The following FHOD3 variants were observed in gnomAD, a reference collection of about 807,000 sequenced individuals.
FHOD3 encodes the protein formin homology 2 domain containing 3, also known as FH1/FH2 domain-containing protein 3.
FHOD3 carries 90 observed loss-of-function variants against 173.0 expected under a neutral mutation model. That is an observed-to-expected ratio of 0.52 (90% CI 0.44 to 0.62). The LOEUF (loss-of-function observed/expected upper bound fraction) is 0.62, where lower values mean the gene tolerates loss of function less well. FHOD3 is among the 20% of genes least tolerant of loss of function. The pLI, the probability that FHOD3 is intolerant of heterozygous loss-of-function variation, is 0.00. For synonymous variants in FHOD3, 828 were observed against 823.0 expected, an observed-to-expected ratio of 1.01 and a Z score of -0.10; for missense variants, 1,945 against 2,034.7, an observed-to-expected ratio of 0.96 and a Z score of 0.85.
intron 1 of FHOD3, among the ~76,000 whole-genome samples, chr18:36,334,112 T>C (rs908251109): frequency 2.0e-5 from 3 of 152,220 alleles, no homozygotes; most frequent in African/African-American, 7.2e-5. Flanking sequence ...TGGGCTCTTG[T>C]TAGAAACATA....
At chr18:36,766,572 G>A (rs1335454391) in intron 27 of FHOD3, among the ~76,000 whole-genome samples, 1 of 152,172 alleles carries the variant, frequency 6.6e-6, no homozygotes, top group Non-Finnish European at 1.5e-5. Context: ...ATGTATACAT[G>A]ACTAGGAAGA....
At chr18:36,756,309 A>G (rs1373260176) in intron 25 of FHOD3, among the ~76,000 whole-genome samples, 1 of 152,176 alleles carries the variant, frequency 6.6e-6, no homozygotes, top group Non-Finnish European at 1.5e-5. Flanking sequence ...AACTTGTTGA[A>G]GGACTCTAGA....
In FHOD3 at chr18:36,625,541, A is replaced by T; in HGVS notation, c.988A>T (p.Thr330Ser). ...GCTCAGGCACGAGGATGGCGATGAG[A>T]CCACGGAGCCACCCCCCAGTGGGTG... ...VALRHEDGDE[T>S]TEPPPSGCRD... Residue 330 changes from threonine to serine, a missense_variant, in exon 10 of 29, where the codon ACC (threonine) becomes TCC (serine). Thr to Ser is a moderately conservative substitution (Grantham distance 58). Coordinates refer to ENST00000590592, the MANE Select transcript of FHOD3 (RefSeq NM_001281740.3). The T allele has an allele frequency of 6.7e-7, 1 of 1,483,372 alleles. No homozygotes were observed. The highest frequency in any genetic ancestry group is 2.5e-5 in the East Asian group (1 of 39,774). The allele number at this position is 1,483,372 out of a possible 1,614,324, so 91.9% of individuals were successfully genotyped here.
intron 24 of FHOD3, among the ~76,000 whole-genome samples, chr18:36,754,836 T>G (rs995083148): frequency 1.3e-5 from 2 of 151,834 alleles, no homozygotes; most frequent in Non-Finnish European, 2.9e-5. Flanking sequence ...GTTGAGGTCC[T>G]GCCACCTAGA....
intron 3 of FHOD3, among the ~76,000 whole-genome samples, chr18:36,476,518 G>A (rs915760772): frequency 1.3e-5 from 2 of 152,176 alleles, no homozygotes; most frequent in Non-Finnish European, 2.9e-5. Context: ...TAAGACCTGT[G>A]GGTGCAAGTT....
At position 36,511,057 on chromosome 18, in the gene FHOD3, A is replaced by G. The variant is rs557632398; in HGVS notation, c.406-1381A>G. ...AGAATTATGCCAGTTCATCTACATT[A>G]TTTTTTCTCTTTTGGAGATAAGCCA... On this transcript the variant is annotated intron_variant, in intron 4 of 28. Transcript: ENST00000590592. 2.0e-3 allele frequency among the ~76,000 whole-genome samples: 310 copies of G among 152,268 alleles called. 2 individuals are homozygous for G. Among genetic ancestry groups the G allele is most frequent in the Non-Finnish European group, 3.3e-3 (225 of 68,032 alleles).
chr18:36,389,707 C>T (rs773506218), intron 3 of FHOD3, among the ~76,000 whole-genome samples: 1 of 152,112 alleles, frequency 6.6e-6, no homozygotes, highest in Non-Finnish European at 1.5e-5. Flanking sequence ...CTCAAGGGAG[C>T]CCAACACCCT....
Position 36,760,680 on chromosome 18 carries a change from G to T in FHOD3, c.4522G>T (p.Ala1508Ser). ...GGGTCTGAGCTATGCGGAGGACGCG[G>T]CTGAGCACGAGAACATGAAGGCTGT... is the stretch of plus-strand genomic sequence containing the variant. ...PQGLSYAEDA[A>S]EHENMKAVLK... The change falls in exon 27 of 29, where the codon GCT becomes TCT. Residue 1508 changes from alanine to serine, a missense_variant. By Grantham distance (99) the Ala-to-Ser change is moderately conservative. Transcript: ENST00000590592. 6.2e-7 allele frequency: 1 copy of T among 1,613,328 alleles called. No homozygotes were observed.
chr18:36,594,011 C>A (rs1195553256), intron 6 of FHOD3, among the ~76,000 whole-genome samples: 1 of 152,340 alleles, frequency 6.6e-6, no homozygotes, highest in Admixed American at 6.5e-5. Context: ...CAAGTCCCTG[C>A]AGCAGCACCT....
intron 24 of FHOD3, among the ~76,000 whole-genome samples, chr18:36,750,051 G>A (rs1048187027): frequency 1.3e-5 from 2 of 152,000 alleles, no homozygotes; most frequent in East Asian, 1.9e-4. Context: ...GCATTTTGGG[G>A]GGCCAAGGTG....
intron 3 of FHOD3, among the ~76,000 whole-genome samples, chr18:36,490,387 A>C (rs1187884818): frequency 6.6e-6 from 1 of 152,160 alleles, no homozygotes; most frequent in Non-Finnish European, 1.5e-5. Context: ...GAACTAATTC[A>C]GAATAGAGGT....
rs538201355 is a variant in FHOD3, at chr18:36,605,677, C to T, written c.813+2909C>T. Among the ~76,000 whole-genome samples, 371 of 152,208 alleles carry T rather than the reference C, an allele frequency of 2.4e-3. 4 individuals are homozygous for T. The highest frequency in any genetic ancestry group is 8.8e-3 in the African/African-American group (367 of 41,528). On this transcript the variant is annotated intron_variant, in intron 8 of 28. Coordinates refer to ENST00000590592, the MANE Select transcript of FHOD3 (RefSeq NM_001281740.3). ...AAATTTGCAACCTCCGGCATAAATG[C>T]GTTAAACAAGTCATGCCGGGTTTGT...
intron 9 of FHOD3, among the ~76,000 whole-genome samples, chr18:36,617,610 T>TGTGTGTGCGTGC (rs1555783665): frequency 8.2e-5 from 12 of 146,006 alleles, no homozygotes; most frequent in African/African-American, 1.0e-4. Flanking sequence ...TGTGTGTGTG[T>TGTGTGTGCGTGC]GTGTGTGTGC....
intron 4 of FHOD3, among the ~76,000 whole-genome samples, chr18:36,505,124 C>T (rs2055237997): frequency 6.6e-6 from 1 of 152,168 alleles, no homozygotes; most frequent in Non-Finnish European, 1.5e-5. Context: ...CCACATGGGC[C>T]AAGAGATACA....
chr18:36,605,374 C>A (rs529255841), intron 8 of FHOD3, among the ~76,000 whole-genome samples: 2 of 152,190 alleles, frequency 1.3e-5, no homozygotes, highest in Non-Finnish European at 2.9e-5. Flanking sequence ...CTGGCAGAGA[C>A]CCAGTGCCTG....
intron 17 of FHOD3, among the ~76,000 whole-genome samples, chr18:36,702,979 C>G (rs1048800736): frequency 6.6e-6 from 1 of 152,220 alleles, no homozygotes; most frequent in African/African-American, 2.4e-5. Context: ...CTAGCATGAG[C>G]TCTGCTTAGC....
At chr18:36,492,545 C>T (rs1395857073) in intron 3 of FHOD3, among the ~76,000 whole-genome samples, 2 of 152,132 alleles carry the variant, frequency 1.3e-5, no homozygotes, top group Non-Finnish European at 2.9e-5. Flanking sequence ...CAATTATAAC[C>T]TCATGCTCAG....
chr18:36,366,285 A>G (rs1456117917), intron 2 of FHOD3, among the ~76,000 whole-genome samples: 1 of 152,228 alleles, frequency 6.6e-6, no homozygotes, highest in Non-Finnish European at 1.5e-5. Flanking sequence ...GAATGAGAAG[A>G]GGCAGACAAA....
intron 15 of FHOD3, among the ~76,000 whole-genome samples, chr18:36,681,937 A>G (rs1301151402): frequency 2.6e-5 from 4 of 152,226 alleles, no homozygotes; most frequent in African/African-American, 7.2e-5. Flanking sequence ...TCAGATGCCC[A>G]AAAAGAAATG....
Sources: allele counts gnomAD v4.1 joint callset (sites outside exome capture counted in the v4.1 genomes callset), GRCh38; gene constraint gnomAD v4.1.1; transcripts MANE v1.5; gene names NCBI Gene and HGNC (gene_info 2026-07-23, HGNC 2026-07-21).